PARD3B: variants seen among roughly 807,000 people sequenced by gnomAD.
PARD3B encodes the protein par-3 family cell polarity regulator beta.
A neutral mutation model predicts 130.2 loss-of-function variants in PARD3B; 103 were observed. The ratio of observed to expected loss-of-function variants is 0.79; its 90% CI spans 0.67 to 0.93. The LOEUF (loss-of-function observed/expected upper bound fraction) is 0.93, where lower values mean the gene tolerates loss of function less well. Ranked by LOEUF, PARD3B falls within the 40% of genes least tolerant of loss-of-function variation. The pLI, the probability that PARD3B is intolerant of heterozygous loss-of-function variation, is 0.00. For missense variants in PARD3B, 1,609 were observed against 1,499.2 expected (o/e 1.07, Z -1.21); for synonymous variants, 583 against 553.2 (o/e 1.05, Z -0.76).
At chr2:205,604,710 C>A in intron 22 of PARD3B, among the ~76,000 whole-genome samples, 1 of 152,146 alleles carries the variant, frequency 6.6e-6, no homozygotes, top group East Asian at 1.9e-4. Flanking sequence ...CAGGGAGTAT[C>A]TTACCGGTGT....
At chr2:204,854,816 T>G (rs2044855113) in intron 2 of PARD3B, among the ~76,000 whole-genome samples, 2 of 151,980 alleles carry the variant, frequency 1.3e-5, no homozygotes, top group African/African-American at 4.8e-5. Context: ...CACCCTGGGG[T>G]TCATCACTGC....
At chr2:204,775,673 C>T (rs1471166264) in intron 2 of PARD3B, among the ~76,000 whole-genome samples, 1 of 152,114 alleles carries the variant, frequency 6.6e-6, no homozygotes, top group East Asian at 1.9e-4. Context: ...AGCATGTAAT[C>T]CTCTTTGTTT....
chr2:204,698,236 G>A (rs1273101417), intron 2 of PARD3B, among the ~76,000 whole-genome samples: 2 of 152,014 alleles, frequency 1.3e-5, no homozygotes, highest in East Asian at 3.9e-4. Flanking sequence ...TATTTTTTGG[G>A]CTCCTCTTTA....
At chr2:204,660,864 G>A (rs1185100328) in intron 1 of PARD3B, among the ~76,000 whole-genome samples, 1 of 152,178 alleles carries the variant, frequency 6.6e-6, no homozygotes, top group Non-Finnish European at 1.5e-5. Context: ...TAATTTTAAA[G>A]TATTAATGTA....
chr2:204,633,192 G>A (rs1415097042), intron 1 of PARD3B, among the ~76,000 whole-genome samples: 2 of 152,110 alleles, frequency 1.3e-5, no homozygotes, highest in East Asian at 1.9e-4. Flanking sequence ...TAAAGAGGGT[G>A]TATTTTATAA....
In PARD3B at chr2:204,907,313, T is replaced by G. The variant is rs2047072150; in HGVS notation, c.223-57839T>G. Among the ~76,000 whole-genome samples, 1 of 152,226 alleles carries G rather than the reference T, an allele frequency of 6.6e-6. No homozygotes were observed. Among genetic ancestry groups the G allele is most frequent in the South Asian group, 2.1e-4 (1 of 4,836 alleles). On this transcript the variant is annotated intron_variant, in intron 2 of 22. Transcript: ENST00000406610. This position sits in a 1 kb window ranked among gnomAD's most constrained non-coding sequence, Gnocchi z 5.7. ...ACCTGTGGAGGACAATGACTAGGGC[T>G]GTGACAGATGATGTGAATCCATAGG...
At chr2:205,064,645 C>T (rs1425579065) in intron 4 of PARD3B, among the ~76,000 whole-genome samples, 1 of 152,010 alleles carries the variant, frequency 6.6e-6, no homozygotes, top group African/African-American at 2.4e-5. Flanking sequence ...AAGTGTATAC[C>T]CAGAGTCAAG....
intron 1 of PARD3B, among the ~76,000 whole-genome samples, chr2:204,636,217 A>T (rs2034869050): frequency 6.6e-6 from 1 of 152,066 alleles, no homozygotes; most frequent in Admixed American, 6.6e-5. Context: ...TTCTGTTTCC[A>T]GTGTCATGGT....
chr2:204,915,122 C>T (rs1330537157), intron 2 of PARD3B, among the ~76,000 whole-genome samples: 1 of 152,152 alleles, frequency 6.6e-6, no homozygotes, highest in East Asian at 1.9e-4. Context: ...TGGGGAAACA[C>T]TTGTCACATC....
At position 205,321,393 on chromosome 2, in the gene PARD3B, C is replaced by A. The variant is rs1376424005; in HGVS notation, c.2630+19692C>A. On this transcript the variant is annotated intron_variant, in intron 18 of 22. Transcript: ENST00000406610. This position sits in a 1 kb window ranked among gnomAD's most constrained non-coding sequence, Gnocchi z 4.2. ...AGCACAAAGAATTTCCTTATACCTT[C>A]CGCCCAGATTCCTCAGATAGTAACA... Among the ~76,000 whole-genome samples the A allele has an allele frequency of 1.3e-5, 2 of 152,080 alleles. No individual in the cohort carries two copies. The highest frequency in any genetic ancestry group is 2.9e-5 in the Non-Finnish European group (2 of 67,994).
intron 2 of PARD3B, among the ~76,000 whole-genome samples, chr2:204,754,591 ATTG>A (rs1375594402): frequency 6.6e-6 from 1 of 152,214 alleles, no homozygotes; most frequent in Non-Finnish European, 1.5e-5. Context: ...GGTGTTATCT[ATTG>A]TTATTACATT....
chr2:204,762,339 C>T (rs2040941290), intron 2 of PARD3B, among the ~76,000 whole-genome samples: 1 of 151,884 alleles, frequency 6.6e-6, no homozygotes, highest in South Asian at 2.1e-4. Context: ...GTCTCGATCT[C>T]CTGTCCTTGT....
At chr2:204,959,880 A>G (rs865921403) in intron 2 of PARD3B, among the ~76,000 whole-genome samples, 1 of 152,166 alleles carries the variant, frequency 6.6e-6, no homozygotes, top group African/African-American at 2.4e-5. Flanking sequence ...CACACATACC[A>G]CGTTAATGTA....
chr2:204,891,130 G>A (rs11692119), intron 2 of PARD3B, among the ~76,000 whole-genome samples: 6 of 151,558 alleles, frequency 4.0e-5, no homozygotes, highest in Non-Finnish European at 7.4e-5. Context: ...ACCCGATATG[G>A]AATCTGCCTG....
chr2:205,107,780 C>T (rs1033904881), intron 5 of PARD3B, among the ~76,000 whole-genome samples: 14 of 152,174 alleles, frequency 9.2e-5, no homozygotes, highest in African/African-American at 3.4e-4. Flanking sequence ...AATAGTTTTA[C>T]AATATGCATC....
At chr2:204,829,998 CAAAAAAAA>C (rs745415671) in intron 2 of PARD3B, among the ~76,000 whole-genome samples, 1 of 47,698 alleles carries the variant, frequency 2.1e-5, no homozygotes, top group African/African-American at 7.2e-5. Flanking sequence ...GACTCCGTCT[CAAAAAAAA>C]AAAAAAAAAA....
intron 3 of PARD3B, among the ~76,000 whole-genome samples, chr2:204,985,152 TC>T (rs1445539110): frequency 6.6e-6 from 1 of 152,134 alleles, no homozygotes; most frequent in African/African-American, 2.4e-5. Context: ...CTTCCCCTTT[TC>T]CTTCCCCCAC....
intron 2 of PARD3B, among the ~76,000 whole-genome samples, chr2:204,948,528 G>C (rs1047192786): frequency 2.6e-5 from 4 of 152,134 alleles, no homozygotes; most frequent in Non-Finnish European, 4.4e-5. Context: ...TTGCCAAAAA[G>C]CTCCCAGTTC....
chr2:205,615,900 T>G lies in PARD3B; in HGVS notation c.*87T>G. On this transcript the variant is annotated 3_prime_UTR_variant, in exon 23 of 23. Coordinates refer to ENST00000406610, the MANE Select transcript of PARD3B (RefSeq NM_001302769.2). ...TCTAAACCTGAAGACCTCCTTGGTG[T>G]TAGGAATTCTCCATGTTACTGATAA... 1 of 1,124,940 alleles carries G rather than the reference T, an allele frequency of 8.9e-7. No homozygotes were observed. Among genetic ancestry groups the G allele is most frequent in the African/African-American group, 1.6e-5 (1 of 64,110 alleles). The allele number at this position is 1,124,940 out of a possible 1,614,324, so 69.7% of individuals were successfully genotyped here.
Sources: allele counts gnomAD v4.1 joint callset (sites outside exome capture counted in the v4.1 genomes callset), GRCh38; gene constraint gnomAD v4.1.1; non-coding constraint Gnocchi (gnomAD v3.1); transcripts MANE v1.5; gene names NCBI Gene and HGNC (gene_info 2026-07-23, HGNC 2026-07-21).